The following ZNHIT3 variants were observed in gnomAD, a reference collection of about 807,000 sequenced individuals.
The protein encoded by ZNHIT3 is zinc finger HIT-type containing 3.
In ZNHIT3, 27 loss-of-function variants were observed where a neutral mutation model predicts 19.9. The observed-to-expected ratio is 1.36, with a 90% CI of 1.00 to 1.87. The LOEUF (loss-of-function observed/expected upper bound fraction) is 1.87. Among genes scored for constraint, ZNHIT3 ranks in the 40% most tolerant of loss-of-function variants. The pLI is 0.00. For synonymous variants in ZNHIT3, 81 were observed against 65.7 expected, an observed-to-expected ratio of 1.23 and a Z score of -1.13; for missense variants, 215 against 185.6, an observed-to-expected ratio of 1.16 and a Z score of -0.92.
chr17:36,497,627 C>T (rs896471032), downstream of ZNHIT3: 1 of 829,446 alleles, frequency 1.2e-6, no homozygotes, highest in Admixed American at 6.3e-5. Context: ...TCCTGTCACC[C>T]AGGCTGGAGT....
At position 36,495,783 on chromosome 17, in the gene ZNHIT3, T is replaced by C. The variant is rs2070915879; in HGVS notation, c.*379T>C. 1 of 1,239,484 alleles carries C rather than the reference T, an allele frequency of 8.1e-7. No homozygotes were observed. The highest frequency in any genetic ancestry group is 1.0e-6 in the Non-Finnish European group (1 of 991,936). The allele number at this position is 1,239,484 out of a possible 1,614,324, so 76.8% of individuals were successfully genotyped here. ...ATTGCATTATTCATAATTTAATTGT[T>C]TGAAATTACATTAAATAAATCAACT... is the stretch of plus-strand genomic sequence containing the variant. On this transcript the variant is annotated 3_prime_UTR_variant, in exon 5 of 5. Coordinates refer to ENST00000617429, the MANE Select transcript of ZNHIT3 (RefSeq NM_004773.4).
At chr17:36,494,416 T>C (rs2142546988) in intron 4 of ZNHIT3, among the ~76,000 whole-genome samples, 1 of 152,342 alleles carries the variant, frequency 6.6e-6, no homozygotes, top group East Asian at 1.9e-4. Context: ...GGGACCTGTA[T>C]TCCCAGATCC....
intron 2 of ZNHIT3, 119 bp downstream of exon 2, chr17:36,487,085 CG>C: frequency 1.4e-6 from 2 of 1,398,332 alleles, no homozygotes; most frequent in Non-Finnish European, 1.9e-6. Context: ...CGGGTCTCCG[CG>C]GGTTCTGCAG....
chr17:36,487,776 G>A (rs1003112327), intron 2 of ZNHIT3, among the ~76,000 whole-genome samples: 1 of 144,166 alleles, frequency 6.9e-6, no homozygotes, highest in African/African-American at 2.6e-5. Context: ...GGGCTACAGA[G>A]CCAGACTCAG....
chr17:36,495,929 G>T, downstream of ZNHIT3: 1 of 1,094,644 alleles, frequency 9.1e-7, no homozygotes, highest in Middle Eastern at 3.4e-4. Flanking sequence ...TGCTTATGTG[G>T]AATTGGGATC....
downstream of ZNHIT3, among the ~76,000 whole-genome samples, chr17:36,497,094 G>T (rs2071046389): frequency 6.6e-6 from 1 of 151,864 alleles, no homozygotes; most frequent in Non-Finnish European, 1.5e-5. Flanking sequence ...CTTTGGGAGG[G>T]CAAGGCAGGC....
chr17:36,495,120 T>G (rs1340438109), intron 4 of ZNHIT3, 103 bp from the exon 5 acceptor site: 7 of 1,414,820 alleles, frequency 4.9e-6, no homozygotes, highest in Non-Finnish European at 6.6e-6. Flanking sequence ...CCACCACACC[T>G]TGCTGATAGT....
Position 36,486,716 on chromosome 17 carries a change from G to GT in ZNHIT3, c.18dup (p.Ser7Ter). ...CACAAAACCATGGCGTCGCTCAAAT[G>GT]TAGCACCGTCGTCTGCGTGATCTGC... On this transcript the variant is annotated frameshift_variant, in exon 1 of 5. Coordinates refer to ENST00000617429, the MANE Select transcript of ZNHIT3 (RefSeq NM_004773.4). LOFTEE classifies it high-confidence loss of function. 1 of 1,613,938 alleles carries GT rather than the reference G, an allele frequency of 6.2e-7. No individual in the cohort carries two copies. The highest frequency in any genetic ancestry group is 8.5e-7 in the Non-Finnish European group (1 of 1,179,922).
intron 4 of ZNHIT3, among the ~76,000 whole-genome samples, chr17:36,494,431 T>C (rs1414487707): frequency 1.3e-5 from 2 of 152,254 alleles, no homozygotes; most frequent in African/African-American, 4.8e-5. Flanking sequence ...AGATCCCCAG[T>C]GCTCAGCTCA....
In ZNHIT3 at chr17:36,493,940, A is replaced by G. The variant is rs1229708777; in HGVS notation, c.220A>G (p.Ile74Val). 2 of 1,613,278 alleles carry G rather than the reference A, an allele frequency of 1.2e-6. No homozygotes were observed. Among genetic ancestry groups the G allele is most frequent in the African/African-American group, 2.7e-5 (2 of 74,910 alleles). The change falls in exon 4 of 5, where the codon ATA becomes GTA. Residue 74 changes from isoleucine (I) to valine (V), a missense_variant. By Grantham distance (29) the Ile-to-Val change is conservative. Transcript: ENST00000617429. ...PVENKDDDDS[I>V]ADFLNSDEEE... Reference sequence around the variant, plus strand: ...GTATTCCTTAGATGATGATGACTCTATAGCTGATTTTCTCAATAGTGATGA... The same window carrying G: ...GTATTCCTTAGATGATGATGACTCTGTAGCTGATTTTCTCAATAGTGATGA...
chr17:36,494,053 T>C lies in ZNHIT3; in HGVS notation c.286+47T>C, dbSNP rs555658440. 2.1e-6 allele frequency: 3 copies of C among 1,437,290 alleles called. No individual in the cohort carries two copies. The South Asian group carries it at 3.5e-5, about 17-fold the overall frequency. 89.0% of individuals were successfully genotyped at this position (1,437,290 alleles called of 1,614,324 possible). A position where few individuals can be genotyped will look rare whatever the true frequency, so the allele number is the denominator to read the frequency against. On this transcript the variant is annotated intron_variant, in intron 4 of 4. Coordinates refer to ENST00000617429, the MANE Select transcript of ZNHIT3 (RefSeq NM_004773.4). ...CAATCGTTGAGATACATTTACTGTG[T>C]TGTAAGGATTGTGATTTTTTAAAAA...
chr17:36,496,094 A>G, downstream of ZNHIT3: 1 of 1,036,802 alleles, frequency 9.6e-7, no homozygotes, highest in Non-Finnish European at 1.4e-6. Flanking sequence ...CCACTGACGC[A>G]CTGGGCACGG....
intron 2 of ZNHIT3, among the ~76,000 whole-genome samples, chr17:36,487,760 C>T (rs2070612036): frequency 6.6e-6 from 1 of 150,466 alleles, no homozygotes; most frequent in Admixed American, 6.6e-5. Context: ...CACTGCACTC[C>T]AGCCTGGGCT....
At chr17:36,497,649 A>G (rs2071120343), downstream of ZNHIT3, 4 of 608,536 alleles carry the variant, frequency 6.6e-6, no homozygotes, top group South Asian at 1.5e-4. Flanking sequence ...CAGCGGCGCA[A>G]TCTCGGCTCA....
Position 36,493,999 on chromosome 17 carries a change from G to A in ZNHIT3, c.279G>A (p.Lys93=). Residue 93 remains lysine (K), a synonymous_variant, in exon 4 of 5, where the codon AAG becomes AAA. Coordinates refer to ENST00000617429, the MANE Select transcript of ZNHIT3 (RefSeq NM_004773.4). ...ACAGAGTTTCTTTGCAGAATTTAAA[G>A]AATTTAGGTAAGTCTGTGCTATGCT... is the stretch of plus-strand genomic sequence containing the variant. ...EEDRVSLQNL[K]NLGESATLRS... 1 of 1,610,402 alleles carries A rather than the reference G, an allele frequency of 6.2e-7. No individual in the cohort carries two copies. Among genetic ancestry groups the A allele is most frequent in the Non-Finnish European group, 8.5e-7 (1 of 1,176,702 alleles).
downstream of ZNHIT3, chr17:36,495,867 C>T: frequency 8.1e-7 from 1 of 1,239,154 alleles, no homozygotes; most frequent in African/African-American, 1.5e-5. Context: ...TTTTTCCCAG[C>T]CCAAATTCCA....
chr17:36,496,436 CACTAG>C (rs1265911229), downstream of ZNHIT3: 22 of 1,611,256 alleles, frequency 1.4e-5, no homozygotes, highest in African/African-American at 2.9e-4. Context: ...GCAGCTTTAG[CACTAG>C]TTCCTGGGAG....
chr17:36,498,983 C>T (rs2142713630), downstream of ZNHIT3: 2 of 1,018,846 alleles, frequency 2.0e-6, no homozygotes, highest in East Asian at 2.6e-5. Context: ...AGGCCACCTG[C>T]ATTGCAGTGG....
chr17:36,493,190 A>G (rs1400932919), intron 3 of ZNHIT3: 3 of 484,674 alleles, frequency 6.2e-6, no homozygotes, highest in African/African-American at 2.0e-5. Context: ...AGCCTTCTCT[A>G]GCCCATAGCT....
Sources: gnomAD v4.1 joint callset for allele counts (sites outside exome capture counted in the v4.1 genomes callset) on GRCh38, gnomAD v4.1.1 for gene constraint, MANE v1.5 for transcripts, NCBI Gene and HGNC (gene_info 2026-07-23, HGNC 2026-07-21) for gene names.